Variants in ADAM10 observed in about 807,000 individuals in gnomAD.
ADAM10 encodes the protein ADAM metallopeptidase domain 10.
In ADAM10, 17 loss-of-function variants were observed where a neutral mutation model predicts 90.1. The observed-to-expected ratio is 0.19, with a 90% CI of 0.13 to 0.28. The LOEUF is 0.28. Among genes scored for constraint, ADAM10 ranks in the 10% least tolerant of loss-of-function variants. ADAM10 has a pLI of 1.00. For synonymous variants in ADAM10, 310 were observed against 298.6 expected, an observed-to-expected ratio of 1.04 and a Z score of -0.40; for missense variants, 610 against 914.3, an observed-to-expected ratio of 0.67 and a Z score of 4.29.
chr15:58,595,866 A>G lies in ADAM10; in HGVS notation c.*1681T>C, dbSNP rs1180145710. On this transcript the variant is annotated 3_prime_UTR_variant, in exon 16 of 16. Coordinates refer to ENST00000260408, the MANE Select transcript of ADAM10 (RefSeq NM_001110.4). ...ATTTAAATGATTTAAAAGCAATTAC[A>G]TACATATCTACCTACTTGTTTGTTT... 3.3e-5 allele frequency: 5 copies of G among 152,182 alleles called. No individual in the cohort carries two copies. The highest frequency in any genetic ancestry group is 1.2e-4 in the African/African-American group (5 of 41,454). The allele number at this position is 152,182 out of a possible 1,614,324, so 9.4% of individuals were successfully genotyped here. A position where few individuals can be genotyped will look rare whatever the true frequency, so the allele number is the denominator to read the frequency against.
chr15:58,737,035 T>C lies in ADAM10; in HGVS notation c.55+12445A>G, dbSNP rs548112105. Among the ~76,000 whole-genome samples, 12 of 152,034 alleles carry C rather than the reference T, an allele frequency of 7.9e-5. No individual in the cohort carries two copies. The East Asian group carries it at 1.5e-3, about 20-fold the overall frequency. ...AAAATGACCAGCAGGTTCTAAGAAA[T>C]AGAAAAAACATAACTTGGCCTCCTT... On this transcript the variant is annotated intron_variant, in intron 1 of 15. Transcript: ENST00000260408.
chr15:58,745,742 C>CA lies in ADAM10; in HGVS notation c.55+3737dup, dbSNP rs1360645594. 2.0e-5 allele frequency among the ~76,000 whole-genome samples: 3 copies of CA among 152,110 alleles called. No homozygotes were observed. In the South Asian group the frequency reaches 6.2e-4, roughly 32 times the overall value. ...ATACCCACAGTACCCAAGCAGGTAA[C>CA]AAAAATGAGTGAAAAAGGCCAGGTG... is the stretch of plus-strand genomic sequence containing the variant. On this transcript the variant is annotated intron_variant, in intron 1 of 15. Coordinates refer to ENST00000260408, the MANE Select transcript of ADAM10 (RefSeq NM_001110.4).
intron 2 of ADAM10, among the ~76,000 whole-genome samples, chr15:58,688,656 A>C (rs1897677135): frequency 6.6e-6 from 1 of 150,418 alleles, no homozygotes; most frequent in Non-Finnish European, 1.5e-5. Context: ...AAAACTGTCG[A>C]AAGAGGGGAG....
chr15:58,675,175 G>A (rs1897283151), intron 4 of ADAM10, among the ~76,000 whole-genome samples: 1 of 152,206 alleles, frequency 6.6e-6, no homozygotes, highest in African/African-American at 2.4e-5. Flanking sequence ...TCCAGCCTGG[G>A]CGACGGAGGT....
chr15:58,702,452 G>C (rs1308418107), intron 2 of ADAM10, among the ~76,000 whole-genome samples: 1 of 152,190 alleles, frequency 6.6e-6, no homozygotes, highest in Admixed American at 6.5e-5. Flanking sequence ...TTTAAAAAAA[G>C]AGGACTTGAA....
At position 58,589,591 on chromosome 15, in the gene ADAM10, CTG is replaced by C. The variant is rs1223122952; in HGVS notation, c.*7954_*7955del. 6.6e-6 allele frequency: 1 copy of C among 152,222 alleles called. No homozygotes were observed. The highest frequency in any genetic ancestry group is 2.4e-5 in the African/African-American group (1 of 41,444). 9.4% of individuals were successfully genotyped at this position (152,222 alleles called of 1,614,324 possible). A position where few individuals can be genotyped will look rare whatever the true frequency, so the allele number is the denominator to read the frequency against. ...GGCACAGACTGCAGTCCTTTGGGGG[CTG>C]TGAAAAATTGCAGCAGGTTGATAAG... On this transcript the variant is annotated 3_prime_UTR_variant, in exon 16 of 16. Coordinates refer to ENST00000260408, the MANE Select transcript of ADAM10 (RefSeq NM_001110.4).
chr15:58,710,971 G>C (rs1898455086), intron 2 of ADAM10, among the ~76,000 whole-genome samples: 1 of 152,270 alleles, frequency 6.6e-6, no homozygotes, highest in Admixed American at 6.5e-5. Flanking sequence ...CCAGTGAAGG[G>C]AATATTTATG....
At chr15:58,740,532 A>T (rs1899577035) in intron 1 of ADAM10, among the ~76,000 whole-genome samples, 1 of 152,002 alleles carries the variant, frequency 6.6e-6, no homozygotes, top group African/African-American at 2.4e-5. Flanking sequence ...TTGCATACTT[A>T]TGCGTTTTAA....
intron 2 of ADAM10, among the ~76,000 whole-genome samples, chr15:58,701,662 T>C (rs573148347): frequency 7.2e-5 from 11 of 152,264 alleles, no homozygotes; most frequent in African/African-American, 2.6e-4. Flanking sequence ...AAGAAATCAG[T>C]ATGTCAACAG....
chr15:58,673,924 C>T (rs1342134183), intron 4 of ADAM10, among the ~76,000 whole-genome samples: 1 of 152,028 alleles, frequency 6.6e-6, no homozygotes, highest in African/African-American at 2.4e-5. Flanking sequence ...TTAGTAGAGA[C>T]GGGGTTTCAC....
At chr15:58,705,247 A>C (rs1218400761) in intron 2 of ADAM10, among the ~76,000 whole-genome samples, 1 of 152,204 alleles carries the variant, frequency 6.6e-6, no homozygotes, top group East Asian at 1.9e-4. Flanking sequence ...TGAGGAGGTA[A>C]GATGTCCTGT....
In ADAM10 at chr15:58,594,291, T is replaced by C. The variant is rs974906034; in HGVS notation, c.*3256A>G. Reference sequence around the variant, plus strand: ...ACACTCTGATACCTTCAATTAGAAATACTTAATAAGAAATGCCTTCTCATG... The same window carrying C: ...ACACTCTGATACCTTCAATTAGAAACACTTAATAAGAAATGCCTTCTCATG... On this transcript the variant is annotated 3_prime_UTR_variant, in exon 16 of 16. Transcript: ENST00000260408. 6.6e-6 allele frequency: 1 copy of C among 152,198 alleles called. No individual in the cohort carries two copies. The highest frequency in any genetic ancestry group is 2.4e-5 in the African/African-American group (1 of 41,452). 9.4% of individuals were successfully genotyped at this position (152,198 alleles called of 1,614,324 possible).
At chr15:58,597,733 T>C (rs184498015) in intron 15 of ADAM10, 92 bp from the exon 16 acceptor site, 64 of 1,416,096 alleles carry the variant, frequency 4.5e-5, no homozygotes, top group Non-Finnish European at 5.8e-5. Context: ...AGAAAGGTTT[T>C]AGTTCAGTGC....
intron 2 of ADAM10, among the ~76,000 whole-genome samples, chr15:58,687,884 T>C (rs1045029121): frequency 3.3e-5 from 5 of 152,110 alleles, no homozygotes; most frequent in Non-Finnish European, 7.3e-5. Context: ...TTAATGGTTG[T>C]TTAGGATTAT....
intron 1 of ADAM10, among the ~76,000 whole-genome samples, chr15:58,733,920 T>TAA (rs1284500769): frequency 9.3e-5 from 14 of 150,140 alleles, no homozygotes; most frequent in African/African-American, 2.7e-4. Flanking sequence ...TATATATATA[T>TAA]AAAAATAATA....
chr15:58,698,959 G>C (rs1898055159), intron 2 of ADAM10, among the ~76,000 whole-genome samples: 1 of 152,130 alleles, frequency 6.6e-6, no homozygotes. Flanking sequence ...CCTTCAAATA[G>C]ATACAACTCG....
At chr15:58,697,794 T>A (rs1270990989) in intron 2 of ADAM10, among the ~76,000 whole-genome samples, 3 of 152,152 alleles carry the variant, frequency 2.0e-5, no homozygotes, top group African/African-American at 4.8e-5. Context: ...AGTGCCAGCA[T>A]ATGTTGCCCT....
chr15:58,731,470 T>TA (rs1318473493), intron 1 of ADAM10, among the ~76,000 whole-genome samples: 1 of 150,950 alleles, frequency 6.6e-6, no homozygotes, highest in Non-Finnish European at 1.5e-5. Context: ...ACAAAAAAAA[T>TA]ACAAAAAACT....
At position 58,597,521 on chromosome 15, in the gene ADAM10, AG is replaced by A. The variant is rs755108582; in HGVS notation, c.*25del. Reference sequence around the variant, plus strand: ...GTGAAGTTTTCCCATTGTAGGCACTAGGAAGAACCAAGGCAAAAGCTGCAGT... The same window carrying A: ...GTGAAGTTTTCCCATTGTAGGCACTAGAAGAACCAAGGCAAAAGCTGCAGT... On this transcript the variant is annotated 3_prime_UTR_variant, in exon 16 of 16. Transcript: ENST00000260408. 2 of 1,614,094 alleles carry A rather than the reference AG, an allele frequency of 1.2e-6. No individual in the cohort carries two copies. Among genetic ancestry groups the A allele is most frequent in the Admixed American group, 1.7e-5 (1 of 60,012 alleles).
Sources: gnomAD v4.1 joint callset for allele counts (sites outside exome capture counted in the v4.1 genomes callset) on GRCh38, gnomAD v4.1.1 for gene constraint, MANE v1.5 for transcripts, NCBI Gene and HGNC (gene_info 2026-07-23, HGNC 2026-07-21) for gene names.